The following CHD6 variants were observed in gnomAD, a reference collection of about 807,000 sequenced individuals.
CHD6 encodes the protein chromodomain helicase DNA binding protein 6.
CHD6 carries 50 observed loss-of-function variants against 276.9 expected under a neutral mutation model. The observed-to-expected ratio is 0.18, with a 90% CI of 0.14 to 0.23. The LOEUF (loss-of-function observed/expected upper bound fraction) is 0.23. Among genes scored for constraint, CHD6 ranks in the 10% least tolerant of loss-of-function variants. The probability of loss-of-function intolerance (pLI) is 1.00; values close to 1 mark genes in which losing one functional copy is unlikely to be tolerated. For missense variants in CHD6, 2,564 were observed against 3,365.8 expected, an observed-to-expected ratio of 0.76 and a Z score of 5.89; for synonymous variants, 1,173 against 1,229.3, an observed-to-expected ratio of 0.95 and a Z score of 0.96.
At chr20:41,508,145 G>C (rs2044021896) in intron 5 of CHD6, among the ~76,000 whole-genome samples, 1 of 152,160 alleles carries the variant, frequency 6.6e-6, no homozygotes, top group African/African-American at 2.4e-5. Flanking sequence ...CTAAAGAACA[G>C]TGGCTCATAA....
chr20:41,504,403 C>CTTTT (rs200549678), intron 5 of CHD6, among the ~76,000 whole-genome samples: 19 of 109,960 alleles, frequency 1.7e-4, no homozygotes, highest in Middle Eastern at 5.2e-3. Flanking sequence ...CCTCTATTTT[C>CTTTT]TTTTTTTTTT....
intron 6 of CHD6, 59 bp downstream of exon 6, chr20:41,499,236 C>A: frequency 7.4e-7 from 1 of 1,357,236 alleles, no homozygotes; most frequent in South Asian, 1.3e-5. Context: ...CCAAAAATCT[C>A]TTCACAGAAG....
rs1372033668 is a variant in CHD6, at chr20:41,487,618, A to C, written c.2001+47T>G. The C allele has an allele frequency of 7.8e-6, 12 of 1,547,516 alleles. 1 individual carries two copies. In the South Asian group the frequency reaches 1.1e-4, roughly 14 times the overall value. On this transcript the variant is annotated intron_variant, in intron 14 of 36. Transcript: ENST00000373233. ...ATAGCATCCTGCTCTTTTCTTGATG[A>C]AGATAACGATCACACTGTCTCCTCA...
At chr20:41,474,041 T>C (rs1050559557) in intron 16 of CHD6, among the ~76,000 whole-genome samples, 1 of 152,286 alleles carries the variant, frequency 6.6e-6, no homozygotes, top group Non-Finnish European at 1.5e-5. Flanking sequence ...GCCTACCAAG[T>C]TCCTCAAAGC....
intron 1 of CHD6, among the ~76,000 whole-genome samples, chr20:41,587,577 G>C (rs1001573846): frequency 2.6e-5 from 4 of 152,180 alleles, no homozygotes; most frequent in African/African-American, 4.8e-5. Context: ...ATGGTATGCA[G>C]CCTCAGAAAA....
chr20:41,421,242 C>G lies in CHD6; in HGVS notation c.5393G>C (p.Arg1798Thr). The change falls in exon 31 of 37, where the codon AGA (arginine) becomes ACA (threonine). Residue 1798 changes from arginine to threonine, a missense_variant. Physicochemically the swap from Arg to Thr is moderately conservative, Grantham distance 71 (BLOSUM62 -1). Transcript: ENST00000373233. Reference sequence around the variant, plus strand: ...TTCCAGCTGGCCAATGTTTTCAGGTCTCTGTCCTGCCTCACTGCAGCAGAG... The same window carrying G: ...TTCCAGCTGGCCAATGTTTTCAGGTGTCTGTCCTGCCTCACTGCAGCAGAG... ...GELCCSEAGQ[R>T]PENIGQLEAK... 1 of 1,614,070 alleles carries G rather than the reference C, an allele frequency of 6.2e-7. No homozygotes were observed. The highest frequency in any genetic ancestry group is 1.3e-5 in the African/African-American group (1 of 75,060).
At chr20:41,577,491 T>G (rs1568713114) in intron 1 of CHD6, among the ~76,000 whole-genome samples, 1 of 152,214 alleles carries the variant, frequency 6.6e-6, no homozygotes, top group East Asian at 1.9e-4. Flanking sequence ...GGGCTATTTC[T>G]GCTCTAAGGT....
chr20:41,536,983 T>C (rs2044845944), intron 2 of CHD6, among the ~76,000 whole-genome samples: 2 of 152,196 alleles, frequency 1.3e-5, no homozygotes, highest in Non-Finnish European at 2.9e-5. Flanking sequence ...AAAGGGAAGA[T>C]ACTCTCCAAG....
chr20:41,487,726 G>A lies in CHD6; in HGVS notation c.1940C>T (p.Ser647Leu). The A allele has an allele frequency of 1.2e-6, 2 of 1,612,400 alleles. No homozygotes were observed. Among genetic ancestry groups the A allele is most frequent in the Non-Finnish European group, 1.7e-6 (2 of 1,179,582 alleles). The stretch of plus-strand genomic sequence containing the variant: ...GAAAGCGGTCTCTGAAGGAAACTGT[G>A]ATGGCTCCAGAAAATTTAACAAACT... ...LFSLLNFLEP[S>L]QFPSETAFLE... Residue 647 changes from serine (S) to leucine (L), a missense_variant, in exon 14 of 37, where the codon TCA becomes TTA. Around this residue, in one of 7 missense-constraint regions of CHD6, gnomAD observed 457 missense variants for 889.0 expected, o/e 0.51. Transcript: ENST00000373233.
At chr20:41,581,220 G>A (rs2045535480) in intron 1 of CHD6, among the ~76,000 whole-genome samples, 1 of 152,096 alleles carries the variant, frequency 6.6e-6, no homozygotes, top group Non-Finnish European at 1.5e-5. Flanking sequence ...TACTATTATT[G>A]TTCCCATTGT....
intron 25 of CHD6, among the ~76,000 whole-genome samples, chr20:41,441,902 A>G (rs1221941665): frequency 6.6e-6 from 1 of 152,204 alleles, no homozygotes; most frequent in African/African-American, 2.4e-5. Flanking sequence ...CAGAAATACT[A>G]AAGTCTGTAT....
intron 17 of CHD6, among the ~76,000 whole-genome samples, chr20:41,457,772 C>T (rs1569100457): frequency 6.6e-6 from 1 of 152,214 alleles, no homozygotes; most frequent in Non-Finnish European, 1.5e-5. Context: ...GGAAGATATG[C>T]TTCAGAGCTG....
intron 17 of CHD6, among the ~76,000 whole-genome samples, chr20:41,465,845 T>C (rs2145741467): frequency 6.6e-6 from 1 of 152,336 alleles, no homozygotes; most frequent in East Asian, 1.9e-4. Flanking sequence ...CAAAACAGCA[T>C]ATTTGGAAAA....
chr20:41,462,262 G>A (rs536673582), intron 17 of CHD6, among the ~76,000 whole-genome samples: 1 of 152,176 alleles, frequency 6.6e-6, no homozygotes, highest in Non-Finnish European at 1.5e-5. Flanking sequence ...TAATCATGTT[G>A]AAAAACTCAA....
chr20:41,414,922 C>T, intron 34 of CHD6: 1 of 1,315,602 alleles, frequency 7.6e-7, no homozygotes, highest in Non-Finnish European at 9.7e-7. Flanking sequence ...TTCTGAAACC[C>T]TGGAGGAGCG....
intron 17 of CHD6, among the ~76,000 whole-genome samples, chr20:41,465,825 G>GTC (rs1247849347): frequency 1.3e-5 from 2 of 152,302 alleles, no homozygotes; most frequent in East Asian, 3.9e-4. Context: ...TGGTTCCAAA[G>GTC]TCAAATACAC....
chr20:41,423,349 G>C lies in CHD6; in HGVS notation c.4555+143C>G, dbSNP rs577306349. On this transcript the variant is annotated intron_variant, in intron 30 of 36. Coordinates refer to ENST00000373233, the MANE Select transcript of CHD6 (RefSeq NM_032221.5). ...GAGGTGGACCCAATTAGAAGTTCAT[G>C]AATTTCTAAAAGCCACTCATCTTTA... The C allele has an allele frequency of 5.5e-5, 40 of 729,942 alleles. No homozygotes were observed. In the African/African-American group the frequency reaches 6.0e-4, roughly 11 times the overall value. The allele number at this position is 729,942 out of a possible 1,614,324, so 45.2% of individuals were successfully genotyped here.
rs779625314 is a variant in CHD6 at position 41,421,990 on chromosome 20, G to T, written c.4645C>A (p.Arg1549=). The change falls in exon 31 of 37, where the codon CGA becomes AGA. Residue 1549 remains arginine, a synonymous_variant. Transcript: ENST00000373233. ...LYRIELLRKV[R]EQVLKCPQLH... ...TGAGGGCACTTGAGCACTTGCTCTC[G>T]GACTTTCCGTAACAGTTCAATGCGG... is the stretch of plus-strand genomic sequence containing the variant. 6 of 1,614,062 alleles carry T rather than the reference G, an allele frequency of 3.7e-6. No individual in the cohort carries two copies. In the East Asian group the frequency reaches 6.7e-5, roughly 18 times the overall value.
intron 1 of CHD6, among the ~76,000 whole-genome samples, chr20:41,608,633 C>T (rs2045854065): frequency 6.6e-6 from 1 of 152,130 alleles, no homozygotes; most frequent in Non-Finnish European, 1.5e-5. Flanking sequence ...AGCTCTGTGA[C>T]CTCACAAATA....
Sources: gnomAD v4.1 joint callset for allele counts (sites outside exome capture counted in the v4.1 genomes callset) on GRCh38, gnomAD v4.1.1 for gene constraint, gnomAD v4.1.1 regional missense constraint, MANE v1.5 for transcripts, NCBI Gene and HGNC (gene_info 2026-07-23, HGNC 2026-07-21) for gene names.